The following KCNH1 variants were observed in gnomAD, a reference collection of about 807,000 sequenced individuals.
KCNH1 encodes the protein potassium voltage-gated channel subfamily H member 1, also known as voltage-gated delayed rectifier potassium channel KCNH1.
In KCNH1, 27 loss-of-function variants were observed where a neutral mutation model predicts 69.2. The ratio of observed to expected loss-of-function variants is 0.39; its 90% CI spans 0.29 to 0.54. The LOEUF (loss-of-function observed/expected upper bound fraction) is 0.54, where lower values mean the gene tolerates loss of function less well. KCNH1 is among the 20% of genes least tolerant of loss of function. KCNH1 has a pLI of 0.68. For synonymous variants in KCNH1, 456 were observed against 487.7 expected (o/e 0.93, Z 0.86); for missense variants, 798 against 1,261.6 (o/e 0.63, Z 5.57).
intron 4 of KCNH1, among the ~76,000 whole-genome samples, chr1:211,084,497 A>C (rs1487985504): frequency 2.0e-5 from 3 of 152,176 alleles, no homozygotes; most frequent in Admixed American, 2.0e-4. Context: ...TAAAAGAATA[A>C]AAAGAAATAT....
At chr1:210,893,749 T>G (rs983368562) in intron 7 of KCNH1, among the ~76,000 whole-genome samples, 1 of 152,126 alleles carries the variant, frequency 6.6e-6, no homozygotes, top group Non-Finnish European at 1.5e-5. Flanking sequence ...TGTAAAGTTG[T>G]GTCATAGCTC....
intron 6 of KCNH1, among the ~76,000 whole-genome samples, chr1:210,920,655 TAATTAAAAA>T (rs1687440035): frequency 7.2e-6 from 1 of 139,482 alleles, no homozygotes; most frequent in Admixed American, 7.0e-5. Flanking sequence ...ATTACTTTTA[TAATTAAAAA>T]AATAAGTTTA....
chr1:211,071,075 G>C (rs1013434829), intron 5 of KCNH1, among the ~76,000 whole-genome samples: 3 of 152,048 alleles, frequency 2.0e-5, no homozygotes, highest in African/African-American at 7.2e-5. Flanking sequence ...TTACAACAAA[G>C]CTACAGAAAA....
intron 7 of KCNH1, among the ~76,000 whole-genome samples, chr1:210,808,048 G>A (rs1684622892): frequency 1.3e-5 from 2 of 152,200 alleles, no homozygotes; most frequent in African/African-American, 4.8e-5. Flanking sequence ...TAACAATGCA[G>A]TTGAAGGTCC....
At chr1:210,734,243 C>T (rs946570898) in intron 10 of KCNH1, among the ~76,000 whole-genome samples, 1 of 152,202 alleles carries the variant, frequency 6.6e-6, no homozygotes, top group African/African-American at 2.4e-5. Flanking sequence ...GGATTTCCTA[C>T]TGAACCCTGT....
Position 210,683,458 on chromosome 1 carries a change from G to C in KCNH1, c.2793C>G (p.His931Gln). Residue 931 changes from histidine to glutamine, a missense_variant, in exon 11 of 11, where the codon CAC becomes CAG. Transcript: ENST00000271751. This position sits in a 1 kb window ranked among gnomAD's most constrained non-coding sequence, Gnocchi z 5.7. Reference sequence around the variant, plus strand: ...AGGCCTTGATGTCCTCCTTCAGCTCGTGCCTCACCTCCAGGACTGTGGCCT... The same window carrying C: ...AGGCCTTGATGTCCTCCTTCAGCTCCTGCCTCACCTCCAGGACTGTGGCCT... ...TLQATVLEVR[H>Q]ELKEDIKALN... The C allele has an allele frequency of 6.2e-7, 1 of 1,614,078 alleles. No individual in the cohort carries two copies. The highest frequency in any genetic ancestry group is 2.2e-5 in the East Asian group (1 of 44,874).
intron 10 of KCNH1, among the ~76,000 whole-genome samples, chr1:210,720,791 G>C (rs1016196): frequency 0.18 from 27,919 of 152,064 alleles, 2,818 homozygotes; most frequent in African/African-American, 0.27. Flanking sequence ...CATAACCAGG[G>C]ATAGGAGCAA....
intron 6 of KCNH1, among the ~76,000 whole-genome samples, chr1:210,952,472 CT>C (rs1277033057): frequency 5.3e-5 from 8 of 152,132 alleles, no homozygotes; most frequent in African/African-American, 1.9e-4. Context: ...GAGCTTACAC[CT>C]TGTGGAAGCA....
At chr1:210,908,023 C>T (rs1450186922) in intron 7 of KCNH1, among the ~76,000 whole-genome samples, 3 of 152,214 alleles carry the variant, frequency 2.0e-5, no homozygotes, top group South Asian at 2.1e-4. Context: ...GGATAAATGT[C>T]GAGTCATAGA....
chr1:210,778,530 CAA>C (rs10679033), intron 9 of KCNH1, among the ~76,000 whole-genome samples: 5 of 122,364 alleles, frequency 4.1e-5, no homozygotes, highest in Admixed American at 8.6e-5. Flanking sequence ...GACTCTGTCT[CAA>C]AAAAAAAAAA....
chr1:210,851,252 G>T (rs1033849842), intron 7 of KCNH1, among the ~76,000 whole-genome samples: 2 of 152,190 alleles, frequency 1.3e-5, no homozygotes, highest in African/African-American at 4.8e-5. Context: ...CCCTCAAAGT[G>T]TTCTTGGTCT....
chr1:210,927,449 T>A (rs1687595841), intron 6 of KCNH1, among the ~76,000 whole-genome samples: 1 of 152,158 alleles, frequency 6.6e-6, no homozygotes, highest in Non-Finnish European at 1.5e-5. Context: ...AAATTTTGTA[T>A]CCAGCAAAAC....
chr1:210,943,026 C>G (rs1278292953), intron 6 of KCNH1, among the ~76,000 whole-genome samples: 6 of 152,196 alleles, frequency 3.9e-5, no homozygotes, highest in African/African-American at 1.4e-4. Context: ...ATGTGCCAAG[C>G]AGTCCTAACT....
chr1:211,062,238 G>A (rs1003782677), intron 5 of KCNH1, among the ~76,000 whole-genome samples: 3 of 152,096 alleles, frequency 2.0e-5, no homozygotes, highest in Non-Finnish European at 4.4e-5. Context: ...TTCAACAAAT[G>A]GTGCCAGGAA....
chr1:210,864,380 C>T (rs1190307313), intron 7 of KCNH1, among the ~76,000 whole-genome samples: 2 of 152,190 alleles, frequency 1.3e-5, no homozygotes, highest in African/African-American at 2.4e-5. Flanking sequence ...TATGCTCCTT[C>T]AAGAACAGTG....
chr1:211,067,250 G>A lies in KCNH1; in HGVS notation c.558+15530C>T, dbSNP rs143521924. On this transcript the variant is annotated intron_variant, in intron 5 of 10. Transcript: ENST00000271751. ...AGGAGTTACAGCAGCAAAAATCTCA[G>A]AAGTGCATCCCTCAGATCCCCTTTT... Among the ~76,000 whole-genome samples the A allele has an allele frequency of 2.2e-3, 341 of 152,308 alleles. 3 individuals are homozygous for A. Among genetic ancestry groups the A allele is most frequent in the African/African-American group, 7.7e-3 (321 of 41,556 alleles).
At chr1:210,725,946 CATTAT>C (rs1305995289) in intron 10 of KCNH1, among the ~76,000 whole-genome samples, 4 of 152,270 alleles carry the variant, frequency 2.6e-5, no homozygotes, top group African/African-American at 7.2e-5. Context: ...GGACTTGTGA[CATTAT>C]ATTATAGTTA....
chr1:211,121,951 C>T (rs191861659), intron 1 of KCNH1, among the ~76,000 whole-genome samples: 2,263 of 152,122 alleles, frequency 0.015, 59 homozygotes, highest in African/African-American at 0.052. Context: ...CTGGCTAACA[C>T]GGTGAAACCC....
chr1:210,797,881 G>C, intron 8 of KCNH1, 121 bp from the exon 9 acceptor site: 2 of 1,101,424 alleles, frequency 1.8e-6, no homozygotes, highest in South Asian at 3.2e-5. Context: ...TCTAACCAAA[G>C]TCCCTGCGCT....
Sources: gnomAD v4.1 joint callset for allele counts (sites outside exome capture counted in the v4.1 genomes callset) on GRCh38, gnomAD v4.1.1 for gene constraint, Gnocchi (gnomAD v3.1) non-coding constraint, MANE v1.5 for transcripts, NCBI Gene and HGNC (gene_info 2026-07-23, HGNC 2026-07-21) for gene names.